The following COL21A1 variants were observed in gnomAD, a reference collection of about 807,000 sequenced individuals.
COL21A1 encodes the protein collagen alpha-1(XXI) chain.
COL21A1 carries 149 observed loss-of-function variants against 137.9 expected under a neutral mutation model. The observed-to-expected ratio is 1.08, with a 90% CI of 0.95 to 1.24. The LOEUF (loss-of-function observed/expected upper bound fraction) is 1.24. Ranked by LOEUF, COL21A1 falls within the 50% of genes most tolerant of loss-of-function variation. COL21A1 has a pLI of 0.00. For missense variants in COL21A1, 1,167 were observed against 1,158.4 expected (o/e 1.01, Z -0.11); for synonymous variants, 456 against 391.5 (o/e 1.16, Z -1.95).
intron 3 of COL21A1, among the ~76,000 whole-genome samples, chr6:56,178,994 A>G (rs1777692141): frequency 6.6e-6 from 1 of 151,820 alleles, no homozygotes; most frequent in Non-Finnish European, 1.5e-5. Flanking sequence ...TTAGAAATAA[A>G]CTAAATGTAC....
chr6:56,124,776 G>A (rs1488698485), intron 14 of COL21A1, among the ~76,000 whole-genome samples: 1 of 151,852 alleles, frequency 6.6e-6, no homozygotes, highest in African/African-American at 2.4e-5. Context: ...CGAGTAGCTG[G>A]GACTACAGGC....
At chr6:56,284,691 T>A (rs868029825) in intron 1 of COL21A1, among the ~76,000 whole-genome samples, 2 of 152,262 alleles carry the variant, frequency 1.3e-5, no homozygotes, top group African/African-American at 4.8e-5. Flanking sequence ...AGCTCCCACA[T>A]GGCTACAGAA....
intron 3 of COL21A1, 87 bp downstream of exon 3, chr6:56,179,491 C>G: frequency 1.2e-6 from 1 of 853,400 alleles, no homozygotes; most frequent in South Asian, 1.9e-5. Context: ...ACAATTTACA[C>G]CAGTGTTAAT....
At chr6:56,218,261 A>G (rs190150387) in intron 1 of COL21A1, among the ~76,000 whole-genome samples, 42 of 151,886 alleles carry the variant, frequency 2.8e-4, no homozygotes, top group Non-Finnish European at 5.0e-4. Context: ...ACTGTCCTCT[A>G]ACATTATTTC....
chr6:56,226,587 T>C (rs1781208692), intron 1 of COL21A1, among the ~76,000 whole-genome samples: 1 of 152,038 alleles, frequency 6.6e-6, no homozygotes, highest in Admixed American at 6.6e-5. Flanking sequence ...GACTTCCATT[T>C]GGAGGCCAAA....
chr6:56,097,975 ATATATATAAATATAT>A (rs1184893424), intron 17 of COL21A1, among the ~76,000 whole-genome samples: 1,861 of 70,836 alleles, frequency 0.026, 502 homozygotes, highest in East Asian at 0.11. Context: ...AAATATATAA[ATATATATAAATATAT>A]ATGTAAATAT....
At chr6:56,323,264 T>C (rs1333825451) in intron 1 of COL21A1, among the ~76,000 whole-genome samples, 3 of 152,196 alleles carry the variant, frequency 2.0e-5, no homozygotes, top group Non-Finnish European at 4.4e-5. Flanking sequence ...ATTACAGATA[T>C]GGCATGAACA....
chr6:56,319,110 C>T (rs528828241), intron 1 of COL21A1, among the ~76,000 whole-genome samples: 66 of 152,294 alleles, frequency 4.3e-4, no homozygotes, highest in African/African-American at 1.6e-3. Context: ...TCAACACTTT[C>T]TTCAGTTTCT....
Position 56,145,647 on chromosome 6 carries a change from T to C in COL21A1, c.1435-3664A>G, listed in dbSNP as rs1378978585. Among the ~76,000 whole-genome samples the C allele has an allele frequency of 2.5e-5, 3 of 120,940 alleles. No individual in the cohort carries two copies. In the Admixed American group the frequency reaches 2.5e-4, roughly 10 times the overall value. 79.3% of individuals were successfully genotyped at this position (120,940 alleles called of 152,430 possible). ...AAAAATAAGCTTTTTATATACCTTATTGAGTTCTTATTTTTCAGAACACGT... is the reference window on the plus strand; with the variant it reads ...AAAAATAAGCTTTTTATATACCTTACTGAGTTCTTATTTTTCAGAACACGT... On this transcript the variant is annotated intron_variant, in intron 10 of 29. Transcript: ENST00000244728.
chr6:56,305,066 G>A (rs937508805), intron 1 of COL21A1, among the ~76,000 whole-genome samples: 1 of 152,204 alleles, frequency 6.6e-6, no homozygotes, highest in Non-Finnish European at 1.5e-5. Context: ...TTAATCCTGA[G>A]TTCTAATTTG....
intron 3 of COL21A1, 62 bp from the exon 4 acceptor site, chr6:56,171,190 T>C (rs1777019170): frequency 8.3e-7 from 1 of 1,208,952 alleles, no homozygotes; most frequent in African/African-American, 1.5e-5. Flanking sequence ...AAAAGAAAAA[T>C]CAAGGGAGAA....
At chr6:56,370,708 GTCT>G (rs768215172) in intron 1 of COL21A1, among the ~76,000 whole-genome samples, 6 of 152,282 alleles carry the variant, frequency 3.9e-5, no homozygotes, top group Non-Finnish European at 7.4e-5. Flanking sequence ...CTGAACTCTG[GTCT>G]TCTTTTTTTC....
In COL21A1 at chr6:56,150,249, G is replaced by T. The variant is rs192923520; in HGVS notation, c.1434+6638C>A. On this transcript the variant is annotated intron_variant, in intron 10 of 29. Transcript: ENST00000244728. ...GAGTTGGGGGAACTGGCTGGGTGCGGTGGCTCACGCCTGTAATCCCACTCT... is the reference window on the plus strand; with the variant it reads ...GAGTTGGGGGAACTGGCTGGGTGCGTTGGCTCACGCCTGTAATCCCACTCT... 4.6e-3 allele frequency among the ~76,000 whole-genome samples: 696 copies of T among 152,224 alleles called. 10 individuals are homozygous for T. The highest frequency in any genetic ancestry group is 0.016 in the African/African-American group (668 of 41,526).
chr6:56,215,402 T>G (rs1397970439), intron 1 of COL21A1, among the ~76,000 whole-genome samples: 1 of 152,014 alleles, frequency 6.6e-6, no homozygotes, highest in Non-Finnish European at 1.5e-5. Flanking sequence ...TGCAGAAGGG[T>G]CCACAATCCT....
At chr6:56,121,105 G>T (rs150387968) in intron 16 of COL21A1, among the ~76,000 whole-genome samples, 1 of 152,244 alleles carries the variant, frequency 6.6e-6, no homozygotes, top group Admixed American at 6.5e-5. Flanking sequence ...AATAAGCCAG[G>T]AACAGAAAGA....
chr6:56,155,633 C>T (rs1775683858), intron 10 of COL21A1, among the ~76,000 whole-genome samples: 1 of 152,150 alleles, frequency 6.6e-6, no homozygotes, highest in Admixed American at 6.5e-5. Context: ...TTGAGACAGA[C>T]TTTTGTGCTG....
intron 3 of COL21A1, among the ~76,000 whole-genome samples, chr6:56,177,169 A>G (rs1777551561): frequency 6.6e-6 from 1 of 152,146 alleles, no homozygotes; most frequent in Non-Finnish European, 1.5e-5. Flanking sequence ...TTACACAGAT[A>G]AAGGAATCAT....
At chr6:56,375,839 G>C (rs1233841713) in intron 1 of COL21A1, among the ~76,000 whole-genome samples, 1 of 152,052 alleles carries the variant, frequency 6.6e-6, no homozygotes, top group Non-Finnish European at 1.5e-5. Context: ...TGAGAATGAG[G>C]GTAGCAGACA....
intron 1 of COL21A1, among the ~76,000 whole-genome samples, chr6:56,391,425 G>C (rs1021276948): frequency 3.3e-5 from 5 of 150,850 alleles, no homozygotes; most frequent in Non-Finnish European, 5.9e-5. Context: ...ATTAATAGAA[G>C]AAATAATAAA....
Sources: allele counts gnomAD v4.1 joint callset (sites outside exome capture counted in the v4.1 genomes callset), GRCh38; gene constraint gnomAD v4.1.1; transcripts MANE v1.5; gene names NCBI Gene and HGNC (gene_info 2026-07-23, HGNC 2026-07-21).